The following LRP1B variants were observed in gnomAD, a reference collection of about 807,000 sequenced individuals.
LRP1B encodes low-density lipoprotein receptor-related protein 1B.
LRP1B carries 217 observed loss-of-function variants against 556.6 expected under a neutral mutation model. The observed-to-expected ratio is 0.39, with a 90% CI of 0.35 to 0.44. LRP1B has a LOEUF of 0.44. LRP1B is among the 20% of genes least tolerant of loss of function. The pLI, the probability that LRP1B is intolerant of heterozygous loss-of-function variation, is 1.00. For missense variants in LRP1B, 5,053 were observed against 5,620.8 expected (o/e 0.90, Z 3.23); for synonymous variants, 2,047 against 1,865.8 (o/e 1.10, Z -2.50).
intron 2 of LRP1B, among the ~76,000 whole-genome samples, chr2:141,619,737 A>C (rs1688435301): frequency 1.3e-5 from 2 of 152,192 alleles, no homozygotes; most frequent in Admixed American, 6.5e-5. Flanking sequence ...ATTAGAGGAT[A>C]GATGATTGGA....
chr2:141,022,309 G>A (rs758353514), intron 11 of LRP1B, among the ~76,000 whole-genome samples: 1 of 150,964 alleles, frequency 6.6e-6, no homozygotes, highest in Non-Finnish European at 1.5e-5. Flanking sequence ...TCTGTTATAG[G>A]GAGAATGATA....
chr2:141,350,069 A>C (rs1443797868), intron 3 of LRP1B, among the ~76,000 whole-genome samples: 1 of 151,994 alleles, frequency 6.6e-6, no homozygotes, highest in Admixed American at 6.6e-5. Flanking sequence ...CCCGTTTTTA[A>C]AACCATCAGA....
chr2:141,634,218 T>C (rs1689016284), intron 2 of LRP1B, among the ~76,000 whole-genome samples: 1 of 152,008 alleles, frequency 6.6e-6, no homozygotes. Flanking sequence ...AAACATATTG[T>C]TCTCTTTCCA....
At chr2:141,225,342 A>G (rs1447855475) in intron 6 of LRP1B, among the ~76,000 whole-genome samples, 1 of 152,186 alleles carries the variant, frequency 6.6e-6, no homozygotes, top group Non-Finnish European at 1.5e-5. Flanking sequence ...CTGGGGGATG[A>G]CAATATGGTT....
chr2:140,380,373 T>C (rs1573868078), intron 67 of LRP1B, among the ~76,000 whole-genome samples: 1 of 152,302 alleles, frequency 6.6e-6, no homozygotes, highest in South Asian at 2.1e-4. Context: ...CTAAAGCACA[T>C]GGCTAGCAAT....
At chr2:141,832,327 T>TCACA (rs869062999) in intron 1 of LRP1B, among the ~76,000 whole-genome samples, 2,556 of 143,890 alleles carry the variant, frequency 0.018, 35 homozygotes, top group Non-Finnish European at 0.021. Flanking sequence ...TCTTTCTCTC[T>TCACA]CACACACACA....
chr2:141,049,219 G>T lies in LRP1B; in HGVS notation c.1556C>A (p.Pro519Gln), dbSNP rs144299264. ...LGSDGRSCKR[P>Q]KNELFLFYGK... is the part of the protein sequence containing the mutation. ...ATAAAAGAGGAACAACTCATTCTTT[G>T]GTCCTGCAGAGGAAAGATTACAAAC... Residue 519 changes from proline to glutamine, a missense_variant, in exon 11 of 91, where the codon CCA becomes CAA. Physicochemically the swap from Pro to Gln is moderately conservative, Grantham distance 76. Coordinates refer to ENST00000389484, the MANE Select transcript of LRP1B (RefSeq NM_018557.3). 4.1e-5 allele frequency: 66 copies of T among 1,598,664 alleles called. No homozygotes were observed. Among genetic ancestry groups the T allele is most frequent in the African/African-American group, 2.7e-4 (20 of 74,568 alleles).
intron 66 of LRP1B, among the ~76,000 whole-genome samples, chr2:140,411,318 TTTATA>T (rs1440378370): frequency 5.9e-5 from 9 of 152,188 alleles, no homozygotes; most frequent in Non-Finnish European, 1.2e-4. Flanking sequence ...GTATGCATTC[TTTATA>T]TTATATAATT....
chr2:141,494,726 C>T (rs899316459), intron 2 of LRP1B, among the ~76,000 whole-genome samples: 1 of 149,100 alleles, frequency 6.7e-6, no homozygotes, highest in Non-Finnish European at 1.5e-5. Context: ...TAATTTTGCT[C>T]TACATTTTAT....
At chr2:140,433,491 T>C (rs1365542381) in intron 66 of LRP1B, among the ~76,000 whole-genome samples, 1 of 152,232 alleles carries the variant, frequency 6.6e-6, no homozygotes, top group East Asian at 1.9e-4. Context: ...TATGGAATTT[T>C]CATTGAGCCT....
At position 140,634,609 on chromosome 2, in the gene LRP1B, G is replaced by A. The variant is rs139242484; in HGVS notation, c.6800-32970C>T. 2.6e-3 allele frequency among the ~76,000 whole-genome samples: 394 copies of A among 152,106 alleles called. 3 individuals carry two copies. The highest frequency in any genetic ancestry group is 9.1e-3 in the African/African-American group (378 of 41,504). ...CTACCTCAGCCAAGTAATCAAGGAC[G>A]ATATTAATACTTATAAATTATGTTG... On this transcript the variant is annotated intron_variant, in intron 41 of 90. Transcript: ENST00000389484.
intron 41 of LRP1B, among the ~76,000 whole-genome samples, chr2:140,659,381 A>G (rs1685013156): frequency 6.6e-6 from 1 of 151,940 alleles, no homozygotes; most frequent in East Asian, 1.9e-4. Context: ...GTTTTATTTG[A>G]TGAATAAAGG....
intron 2 of LRP1B, among the ~76,000 whole-genome samples, chr2:141,601,514 C>A (rs1317173167): frequency 6.6e-6 from 1 of 152,136 alleles, no homozygotes; most frequent in Non-Finnish European, 1.5e-5. Flanking sequence ...TGTAGGCCTT[C>A]ACCTTGATGT....
At chr2:141,869,005 AT>A (rs1256550078) in intron 1 of LRP1B, among the ~76,000 whole-genome samples, 4 of 152,112 alleles carry the variant, frequency 2.6e-5, no homozygotes, top group Non-Finnish European at 5.9e-5. Flanking sequence ...CATCAATTGG[AT>A]TTTGTTTTAT....
chr2:140,856,000 C>A (rs1162187471), intron 27 of LRP1B, among the ~76,000 whole-genome samples: 1 of 152,160 alleles, frequency 6.6e-6, no homozygotes, highest in Non-Finnish European at 1.5e-5. Context: ...ACTCCTCCAA[C>A]ATGTTTCCAA....
At chr2:140,322,122 A>AAT in intron 81 of LRP1B, 34 bp from the exon 82 acceptor site, 1 of 1,595,368 alleles carries the variant, frequency 6.3e-7, no homozygotes, top group Non-Finnish European at 8.6e-7. Context: ...GAAGTGTGTA[A>AAT]ATATAGATAC....
intron 83 of LRP1B, among the ~76,000 whole-genome samples, chr2:140,304,683 G>A (rs1294694389): frequency 6.6e-6 from 1 of 152,052 alleles, no homozygotes; most frequent in African/African-American, 2.4e-5. Flanking sequence ...GTCAATTCTG[G>A]CTTTTGTTGC....
intron 2 of LRP1B, among the ~76,000 whole-genome samples, chr2:141,544,333 T>G (rs1364926249): frequency 1.3e-5 from 1 of 76,844 alleles, no homozygotes; most frequent in East Asian, 5.0e-4. Context: ...TTCTTCTTCT[T>G]CTTCTTCTTC....
chr2:142,096,513 A>C (rs758852289), intron 1 of LRP1B, among the ~76,000 whole-genome samples: 8 of 151,276 alleles, frequency 5.3e-5, no homozygotes, highest in Non-Finnish European at 7.4e-5. Flanking sequence ...CTTTATGGTG[A>C]ATCTATTTGT....
Sources: gnomAD v4.1 joint callset for allele counts (sites outside exome capture counted in the v4.1 genomes callset) on GRCh38, gnomAD v4.1.1 for gene constraint, MANE v1.5 for transcripts, NCBI Gene and HGNC (gene_info 2026-07-23, HGNC 2026-07-21) for gene names.